Variants in ATP8A2 observed in about 807,000 individuals in gnomAD.
ATP8A2 encodes phospholipid-transporting ATPase IB.
In ATP8A2, 100 loss-of-function variants were observed where a neutral mutation model predicts 165.6. The ratio of observed to expected loss-of-function variants is 0.60; its 90% CI spans 0.51 to 0.71. ATP8A2 has a LOEUF of 0.71. Ranked by LOEUF, ATP8A2 falls within the 30% of genes least tolerant of loss-of-function variation. The pLI is 0.00. For missense variants in ATP8A2, 1,227 were observed against 1,479.5 expected, an observed-to-expected ratio of 0.83 and a Z score of 2.80; for synonymous variants, 543 against 548.8, an observed-to-expected ratio of 0.99 and a Z score of 0.15.
intron 27 of ATP8A2, among the ~76,000 whole-genome samples, chr13:25,784,053 TA>T (rs2044957751): frequency 6.6e-6 from 1 of 152,150 alleles, no homozygotes; most frequent in Non-Finnish European, 1.5e-5. Context: ...TTGAACTTTA[TA>T]AAAATAGACT....
intron 33 of ATP8A2, among the ~76,000 whole-genome samples, chr13:25,885,575 C>T (rs959403431): frequency 2.0e-5 from 3 of 152,114 alleles, no homozygotes; most frequent in Non-Finnish European, 4.4e-5. Context: ...ATCTGCAGAG[C>T]CCCCGGGGTT....
At chr13:25,942,163 C>A (rs1457344167) in intron 33 of ATP8A2, among the ~76,000 whole-genome samples, 3 of 151,996 alleles carry the variant, frequency 2.0e-5, no homozygotes, top group Non-Finnish European at 4.4e-5. Flanking sequence ...ATGCTGTTTT[C>A]CATTATATAA....
intron 27 of ATP8A2, among the ~76,000 whole-genome samples, chr13:25,786,442 A>G: frequency 6.6e-6 from 1 of 152,246 alleles, no homozygotes; most frequent in Admixed American, 6.5e-5. Context: ...CCTCAAGAGC[A>G]TGTCAGTGAA....
At chr13:25,874,457 T>C (rs1952770231) in intron 33 of ATP8A2, among the ~76,000 whole-genome samples, 1 of 152,210 alleles carries the variant, frequency 6.6e-6, no homozygotes, top group Non-Finnish European at 1.5e-5. Context: ...CTTTCGCTTG[T>C]TGTATAATAC....
At chr13:25,551,986 T>C (rs1217175534) in intron 11 of ATP8A2, among the ~76,000 whole-genome samples, 1 of 152,046 alleles carries the variant, frequency 6.6e-6, no homozygotes, top group African/African-American at 2.4e-5. Context: ...TTGATAGTGT[T>C]TTTTGTTGTT....
chr13:25,514,171 G>T (rs1305549160), intron 2 of ATP8A2, among the ~76,000 whole-genome samples: 2 of 152,058 alleles, frequency 1.3e-5, no homozygotes, highest in East Asian at 3.9e-4. Context: ...AGTTAGGCTA[G>T]CGTACTTCCA....
rs560280973 is a variant in ATP8A2 at position 25,769,092 on chromosome 13, C to T, written c.2431C>T (p.Arg811Trp). Residue 811 changes from arginine to tryptophan, a missense_variant, in exon 26 of 37, where the codon CGG becomes TGG. Transcript: ENST00000381655. Reference sequence around the variant, plus strand: ...TGAGATAGTGGATGTGGTGAAGAAGCGGGTGAAGGCCATCACCCTCGCCAT... The same window carrying T: ...TGAGATAGTGGATGTGGTGAAGAAGTGGGTGAAGGCCATCACCCTCGCCAT... ...KSEIVDVVKK[R>W]VKAITLAIGD... 6.4e-5 allele frequency: 104 copies of T among 1,614,158 alleles called. No homozygotes were observed. The highest frequency in any genetic ancestry group is 2.2e-4 in the Admixed American group (13 of 60,018).
chr13:25,509,682 A>G (rs1365170453), intron 2 of ATP8A2, among the ~76,000 whole-genome samples: 2 of 152,326 alleles, frequency 1.3e-5, no homozygotes, highest in Non-Finnish European at 2.9e-5. Flanking sequence ...TACATGTTGT[A>G]TACAAATTGC....
intron 2 of ATP8A2, among the ~76,000 whole-genome samples, chr13:25,495,805 C>T (rs2036660876): frequency 6.6e-6 from 1 of 151,900 alleles, no homozygotes; most frequent in South Asian, 2.1e-4. Flanking sequence ...TTTTATACTT[C>T]CCATGGCTGT....
chr13:25,656,374 C>T (rs566498583), intron 24 of ATP8A2, among the ~76,000 whole-genome samples: 1 of 151,518 alleles, frequency 6.6e-6, no homozygotes, highest in Non-Finnish European at 1.5e-5. Flanking sequence ...CTCCTGGGTT[C>T]AAGTGATTCT....
Position 25,882,316 on chromosome 13 carries a change from A to T in ATP8A2, c.3183+19908A>T, listed in dbSNP as rs748488662. On this transcript the variant is annotated intron_variant, in intron 33 of 36. Coordinates refer to ENST00000381655, the MANE Select transcript of ATP8A2 (RefSeq NM_016529.6). ...CATAGATAAAATCTTCATTATTTGA[A>T]AAGATTAAGCTTACTTGACTGCTCC... Among the ~76,000 whole-genome samples the T allele has an allele frequency of 1.1e-4, 17 of 152,196 alleles. 1 individual carries two copies. The highest frequency in any genetic ancestry group is 1.5e-5 in the Non-Finnish European group (1 of 68,034).
At chr13:25,878,004 A>G (rs1255882659) in intron 33 of ATP8A2, among the ~76,000 whole-genome samples, 1 of 152,234 alleles carries the variant, frequency 6.6e-6, no homozygotes, top group Non-Finnish European at 1.5e-5. Context: ...AGTTTGCTAA[A>G]TGGATTGTAA....
intron 33 of ATP8A2, among the ~76,000 whole-genome samples, chr13:25,896,877 A>G (rs1192472500): frequency 1.3e-5 from 2 of 151,514 alleles, no homozygotes; most frequent in Middle Eastern, 3.4e-3. Flanking sequence ...TTTGTTTTCC[A>G]TTTGCTTGGT....
At chr13:25,696,910 A>G (rs1273452477) in intron 24 of ATP8A2, among the ~76,000 whole-genome samples, 2 of 152,224 alleles carry the variant, frequency 1.3e-5, no homozygotes, top group Non-Finnish European at 2.9e-5. Flanking sequence ...TGCTTTTGAC[A>G]TGGTGTACCA....
chr13:25,391,403 A>G (rs2137970888), intron 1 of ATP8A2, among the ~76,000 whole-genome samples: 1 of 152,232 alleles, frequency 6.6e-6, no homozygotes, highest in Non-Finnish European at 1.5e-5. Context: ...TTTGTCCTTC[A>G]TTTAACGACC....
At chr13:25,875,203 C>T (rs1952793203) in intron 33 of ATP8A2, among the ~76,000 whole-genome samples, 2 of 152,084 alleles carry the variant, frequency 1.3e-5, no homozygotes, top group African/African-American at 4.8e-5. Flanking sequence ...GTTAACCATA[C>T]TGAACTTTCC....
chr13:25,991,923 T>TTA (rs1200723341), intron 35 of ATP8A2, among the ~76,000 whole-genome samples: 1 of 151,842 alleles, frequency 6.6e-6, no homozygotes, highest in Non-Finnish European at 1.5e-5. Flanking sequence ...TTTTTTTTTT[T>TTA]TTTCAATAAC....
intron 16 of ATP8A2, among the ~76,000 whole-genome samples, chr13:25,568,410 A>G (rs992236016): frequency 6.6e-6 from 1 of 152,208 alleles, no homozygotes; most frequent in Non-Finnish European, 1.5e-5. Context: ...AAACAATTTT[A>G]AACATGTATC....
At chr13:25,905,008 G>A (rs938871795) in intron 33 of ATP8A2, among the ~76,000 whole-genome samples, 1 of 152,188 alleles carries the variant, frequency 6.6e-6, no homozygotes, top group Non-Finnish European at 1.5e-5. Flanking sequence ...ATGGCTGTAA[G>A]CATGTGTACG....
Sources: gnomAD v4.1 joint callset for allele counts (sites outside exome capture counted in the v4.1 genomes callset) on GRCh38, gnomAD v4.1.1 for gene constraint, MANE v1.5 for transcripts, NCBI Gene and HGNC (gene_info 2026-07-23, HGNC 2026-07-21) for gene names.